Variants in GLRA3 observed in about 807,000 individuals in gnomAD.
The protein encoded by GLRA3 is glycine receptor alpha 3, also known as glycine receptor subunit alpha-3.
A neutral mutation model predicts 60.4 loss-of-function variants in GLRA3; 44 were observed. The ratio of observed to expected loss-of-function variants is 0.73; its 90% confidence interval spans 0.57 to 0.94. The LOEUF (loss-of-function observed/expected upper bound fraction) is 0.94. Ranked by LOEUF, GLRA3 falls within the 40% of genes least tolerant of loss-of-function variation. The probability of loss-of-function intolerance (pLI) is 0.00; values close to 1 mark genes in which losing one functional copy is unlikely to be tolerated. For missense variants in GLRA3, 508 were observed against 564.6 expected (o/e 0.90, Z 1.02); for synonymous variants, 223 against 192.9 (o/e 1.16, Z -1.29).
chr4:174,798,735 T>C (rs184088486), intron 1 of GLRA3, among the ~76,000 whole-genome samples: 1,912 of 152,220 alleles, frequency 0.013, 11 homozygotes, highest in Middle Eastern at 0.024. Flanking sequence ...CCATCCTGGC[T>C]AACACGGTGA....
intron 8 of GLRA3, among the ~76,000 whole-genome samples, chr4:174,657,372 C>G (rs764626239): frequency 3.0e-4 from 45 of 152,038 alleles, no homozygotes; most frequent in Non-Finnish European, 5.7e-4. Context: ...CTTCTCTTTT[C>G]TAGAATTTAC....
chr4:174,642,888 C>T lies in GLRA3; in HGVS notation c.*898G>A. The T allele has an allele frequency of 2.8e-6, 2 of 719,896 alleles. No homozygotes were observed. The highest frequency in any genetic ancestry group is 3.4e-6 in the Non-Finnish European group (2 of 588,204). 44.6% of individuals were successfully genotyped at this position (719,896 alleles called of 1,614,324 possible). On this transcript the variant is annotated 3_prime_UTR_variant, in exon 10 of 10. Transcript: ENST00000274093. ...TTAATCCCATTGAATTTTAAAGTCA[C>T]ATTCTAAACTAAAATATAAAAGTCT...
rs1173149427 is a variant in GLRA3, at chr4:174,704,680, T to C, written c.574+10808A>G. On this transcript the variant is annotated intron_variant, in intron 5 of 9. Coordinates refer to ENST00000274093, the MANE Select transcript of GLRA3 (RefSeq NM_006529.4). Reference sequence around the variant, plus strand: ...GCAGCATTACTCACTATAGCCAAAATATGAAAGTAACCCATTTCCATCAAT... The same window carrying C: ...GCAGCATTACTCACTATAGCCAAAACATGAAAGTAACCCATTTCCATCAAT... 1.4e-5 allele frequency among the ~76,000 whole-genome samples: 2 copies of C among 143,940 alleles called. 1 individual carries two copies. Among genetic ancestry groups the C allele is most frequent in the African/African-American group, 5.0e-5 (2 of 39,824 alleles). The allele number at this position is 143,940 out of a possible 152,430, so 94.4% of individuals were successfully genotyped here.
chr4:174,772,047 G>A (rs898203878), intron 2 of GLRA3, among the ~76,000 whole-genome samples: 3 of 152,110 alleles, frequency 2.0e-5, no homozygotes, highest in Admixed American at 6.6e-5. Flanking sequence ...GTCTTTGGAG[G>A]AGCAAACTTC....
intron 2 of GLRA3, among the ~76,000 whole-genome samples, chr4:174,773,697 A>AT (rs11422095): frequency 0.37 from 55,835 of 151,950 alleles, 10,471 homozygotes; most frequent in East Asian, 0.46. Flanking sequence ...TAAAATCCAG[A>AT]TTTTAAATTA....
rs1466701216 is a variant in GLRA3, at chr4:174,781,394, T to A, written c.199+7422A>T. On this transcript the variant is annotated intron_variant, in intron 2 of 9. Coordinates refer to ENST00000274093, the MANE Select transcript of GLRA3 (RefSeq NM_006529.4). Reference sequence around the variant, plus strand: ...TCCAAAATTGACACCCTAACATCACTATTAAAAGAACTAGAAAAGCAAGAG... The same window carrying A: ...TCCAAAATTGACACCCTAACATCACAATTAAAAGAACTAGAAAAGCAAGAG... Among the ~76,000 whole-genome samples, 396 of 146,588 alleles carry A rather than the reference T, an allele frequency of 2.7e-3. 2 individuals carry two copies. Among genetic ancestry groups the A allele is most frequent in the Non-Finnish European group, 5.2e-3 (339 of 65,334 alleles).
intron 5 of GLRA3, among the ~76,000 whole-genome samples, chr4:174,685,898 G>A (rs895893887): frequency 2.0e-5 from 3 of 152,124 alleles, no homozygotes; most frequent in African/African-American, 7.2e-5. Flanking sequence ...AAAATGACCT[G>A]AAACTTCAAT....
intron 4 of GLRA3, among the ~76,000 whole-genome samples, chr4:174,719,198 C>A (rs942204381): frequency 1.3e-5 from 2 of 151,654 alleles, no homozygotes; most frequent in East Asian, 1.9e-4. Flanking sequence ...CTCCTGACCT[C>A]GTGATCCGCC....
In GLRA3 at chr4:174,681,081, A is replaced by G. The variant is rs80176290; in HGVS notation, c.712+1721T>C. ...TTTGGGCACGTTATTTTGCTTCTGG[A>G]CAGTACAGTGCTTCTAGAATGTAAA... On this transcript the variant is annotated intron_variant, in intron 6 of 9. Transcript: ENST00000274093. 7.2e-3 allele frequency among the ~76,000 whole-genome samples: 1,090 copies of G among 152,308 alleles called. 13 individuals carry two copies. Among genetic ancestry groups the G allele is most frequent in the African/African-American group, 0.025 (1,039 of 41,558 alleles).
intron 2 of GLRA3, among the ~76,000 whole-genome samples, chr4:174,781,672 G>A (rs981904001): frequency 4.0e-5 from 6 of 150,732 alleles, no homozygotes; most frequent in African/African-American, 1.5e-4. Context: ...TACCATCAGA[G>A]AATACTACAA....
chr4:174,727,765 A>G (rs960410715), intron 4 of GLRA3, among the ~76,000 whole-genome samples: 10 of 152,078 alleles, frequency 6.6e-5, no homozygotes, highest in African/African-American at 2.4e-4. Flanking sequence ...ATTAGTGTTT[A>G]TTGTTTGGTA....
At chr4:174,787,709 C>T (rs950714521) in intron 2 of GLRA3, among the ~76,000 whole-genome samples, 10 of 151,886 alleles carry the variant, frequency 6.6e-5, no homozygotes, top group Admixed American at 4.6e-4. Flanking sequence ...GTAAGCTGTG[C>T]TATTTTTGCA....
rs181915830 is a variant in GLRA3 at position 174,770,975 on chromosome 4, C to T, written c.200-3945G>A. Among the ~76,000 whole-genome samples, 276 of 150,612 alleles carry T rather than the reference C, an allele frequency of 1.8e-3. 10 individuals carry two copies. Among genetic ancestry groups the T allele is most frequent in the Admixed American group, 0.018 (272 of 14,976 alleles). ...GAAACCATCATTCTCAGCAAACTAT[C>T]GCAAGGACAAAAAACCAAAAACCAC... On this transcript the variant is annotated intron_variant, in intron 2 of 9. Coordinates refer to ENST00000274093, the MANE Select transcript of GLRA3 (RefSeq NM_006529.4).
In GLRA3 at chr4:174,651,864, T is replaced by C. The variant is rs78443276; in HGVS notation, c.1116+4879A>G. Among the ~76,000 whole-genome samples, 32 of 152,152 alleles carry C rather than the reference T, an allele frequency of 2.1e-4. No homozygotes were observed. In the East Asian group the frequency reaches 5.8e-3, roughly 28 times the overall value. ...GATCATTTTGAATGTGCCCATGAGA[T>C]GAGGCATGTGGAGTCATATCAGACC... On this transcript the variant is annotated intron_variant, in intron 9 of 9. Transcript: ENST00000274093.
chr4:174,684,097 A>G lies in GLRA3; in HGVS notation c.575-1158T>C, dbSNP rs1734460724. Among the ~76,000 whole-genome samples, 8 of 152,322 alleles carry G rather than the reference A, an allele frequency of 5.3e-5. No individual in the cohort carries two copies. In the South Asian group the frequency reaches 1.7e-3, roughly 32 times the overall value. On this transcript the variant is annotated intron_variant, in intron 5 of 9. Coordinates refer to ENST00000274093, the MANE Select transcript of GLRA3 (RefSeq NM_006529.4). The stretch of plus-strand genomic sequence containing the variant: ...TGAATAGAATTGGAGTATTTTCTTT[A>G]GAATTTCTTGAACAGGCAAATGAAA...
intron 3 of GLRA3, among the ~76,000 whole-genome samples, chr4:174,732,009 C>T (rs578133529): frequency 1.2e-4 from 18 of 152,164 alleles, no homozygotes; most frequent in African/African-American, 4.3e-4. Flanking sequence ...CAGAATTTGT[C>T]AAAAATACAG....
chr4:174,658,252 TA>T lies in GLRA3; in HGVS notation c.1071+801del, dbSNP rs1190663365. Among the ~76,000 whole-genome samples, 12 of 151,662 alleles carry T rather than the reference TA, an allele frequency of 7.9e-5. No homozygotes were observed. In the East Asian group the frequency reaches 2.3e-3, roughly 29 times the overall value. On this transcript the variant is annotated intron_variant, in intron 8 of 9. Coordinates refer to ENST00000274093, the MANE Select transcript of GLRA3 (RefSeq NM_006529.4). ...ATTGCTTTAAAAGACCATTTGCTTT[TA>T]AAATGTCTGTTGGCACATTCACATT...
chr4:174,698,339 C>T (rs1024928285), intron 5 of GLRA3, among the ~76,000 whole-genome samples: 9 of 151,964 alleles, frequency 5.9e-5, no homozygotes, highest in African/African-American at 2.2e-4. Context: ...TCACCATGCC[C>T]AGCTACTTTT....
In GLRA3 at chr4:174,641,043, T is replaced by C. The variant is rs538903647; in HGVS notation, c.*2743A>G. On this transcript the variant is annotated 3_prime_UTR_variant, in exon 10 of 10. Transcript: ENST00000274093. ...GGAAAGAAAGAAAAGGTTGGGCACA[T>C]ATATGCTAATGTATAAGATAGCCTA... is the stretch of plus-strand genomic sequence containing the variant. The C allele has an allele frequency of 2.0e-5, 3 of 152,220 alleles. No homozygotes were observed. Among genetic ancestry groups the C allele is most frequent in the South Asian group, 4.1e-4 (2 of 4,828 alleles). 9.4% of individuals were successfully genotyped at this position (152,220 alleles called of 1,614,324 possible). A position where few individuals can be genotyped will look rare whatever the true frequency, so the allele number is the denominator to read the frequency against.
Sources: gnomAD v4.1 joint callset for allele counts (sites outside exome capture counted in the v4.1 genomes callset) on GRCh38, gnomAD v4.1.1 for gene constraint, MANE v1.5 for transcripts, NCBI Gene and HGNC (gene_info 2026-07-23, HGNC 2026-07-21) for gene names.